SHANK2: variants seen among roughly 807,000 people sequenced by gnomAD.
The protein encoded by SHANK2 is SH3 and multiple ankyrin repeat domains 2, also known as SH3 and multiple ankyrin repeat domains protein 2.
SHANK2 carries 43 observed loss-of-function variants against 133.7 expected under a neutral mutation model. That is an observed-to-expected ratio of 0.32 (90% CI 0.25 to 0.41). The LOEUF (loss-of-function observed/expected upper bound fraction) is 0.41. Ranked by LOEUF, SHANK2 falls within the 10% of genes least tolerant of loss-of-function variation. The probability of loss-of-function intolerance (pLI) is 1.00; values close to 1 mark genes in which losing one functional copy is unlikely to be tolerated. For missense variants in SHANK2, 1,994 were observed against 2,235.8 expected (o/e 0.89, Z 2.18); for synonymous variants, 1,017 against 952.8 (o/e 1.07, Z -1.24).
chr11:70,881,736 A>AAT (rs3064224), intron 11 of SHANK2, among the ~76,000 whole-genome samples: 144,990 of 147,610 alleles, frequency 0.98, 71,217 homozygotes, highest in South Asian at 1. Flanking sequence ...CTTTAATTTT[A>AAT]TTTTTTTTTA....
rs531001876 is a variant in SHANK2 at position 71,162,719 on chromosome 11, G to C, written c.-12-15381C>G. On this transcript the variant is annotated intron_variant, in intron 2 of 25. Coordinates refer to ENST00000601538, the MANE Select transcript of SHANK2 (RefSeq NM_012309.5). ...CTATCTATAGCCCAACTTCAAAACAGTGATTACTGCTTCAAAACAGGGAAA... is the reference window on the plus strand; with the variant it reads ...CTATCTATAGCCCAACTTCAAAACACTGATTACTGCTTCAAAACAGGGAAA... Among the ~76,000 whole-genome samples the C allele has an allele frequency of 2.0e-5, 3 of 152,260 alleles. No individual in the cohort carries two copies. The South Asian group carries it at 6.2e-4, about 32-fold the overall frequency.
At chr11:70,853,297 G>A (rs1949117931) in intron 11 of SHANK2, among the ~76,000 whole-genome samples, 2 of 152,206 alleles carry the variant, frequency 1.3e-5, no homozygotes, top group African/African-American at 4.8e-5. Context: ...CGCCTCCCAC[G>A]GGCCCTGGAG....
At chr11:71,137,396 T>C (rs1407354374) in intron 3 of SHANK2, among the ~76,000 whole-genome samples, 4 of 150,582 alleles carry the variant, frequency 2.7e-5, no homozygotes, top group African/African-American at 4.9e-5. Context: ...GGTCATAGCA[T>C]TGGTTTTGCA....
At chr11:71,065,933 GGGGGC>G (rs1951050229) in intron 9 of SHANK2, among the ~76,000 whole-genome samples, 2 of 104,674 alleles carry the variant, frequency 1.9e-5, no homozygotes, top group Non-Finnish European at 4.1e-5. Context: ...GGAAGTTGGT[GGGGGC>G]GGGGTACAGA....
intron 15 of SHANK2, chr11:70,668,615 A>G (rs1219193624): frequency 6.6e-6 from 1 of 152,378 alleles, no homozygotes; most frequent in African/African-American, 2.4e-5. Context: ...GAAGATAAAC[A>G]TCAATCCACA....
intron 15 of SHANK2, among the ~76,000 whole-genome samples, chr11:70,684,109 A>C (rs1272203679): frequency 6.6e-6 from 1 of 152,098 alleles, no homozygotes; most frequent in African/African-American, 2.4e-5. Context: ...TGAATAAATG[A>C]ATGAAAAGAG....
At chr11:70,528,584 G>C (rs1554972578) in intron 17 of SHANK2, among the ~76,000 whole-genome samples, 1 of 152,100 alleles carries the variant, frequency 6.6e-6, no homozygotes, top group East Asian at 1.9e-4. Flanking sequence ...TGGGGAGGGG[G>C]GCTCCTGCAT....
At chr11:70,902,969 G>A (rs998775658) in intron 10 of SHANK2, among the ~76,000 whole-genome samples, 5 of 152,098 alleles carry the variant, frequency 3.3e-5, no homozygotes, top group East Asian at 1.9e-4. Context: ...GAGACAGCAC[G>A]GCCCCCCTCC....
chr11:70,496,503 T>G (rs534951443), intron 21 of SHANK2, among the ~76,000 whole-genome samples: 1 of 152,286 alleles, frequency 6.6e-6, no homozygotes, highest in South Asian at 2.1e-4. Flanking sequence ...CATGTAACTG[T>G]GTGCCCAGGG....
intron 14 of SHANK2, among the ~76,000 whole-genome samples, chr11:70,783,234 C>T (rs1246258747): frequency 6.6e-6 from 1 of 152,112 alleles, no homozygotes; most frequent in African/African-American, 2.4e-5. Context: ...CCTGGACTGA[C>T]AATGAGGTCC....
At chr11:71,080,123 T>C (rs1422845734) in intron 8 of SHANK2, among the ~76,000 whole-genome samples, 4 of 152,102 alleles carry the variant, frequency 2.6e-5, no homozygotes, top group African/African-American at 9.7e-5. Flanking sequence ...GAGAGGGTGA[T>C]AGGAGGGTGG....
intron 17 of SHANK2, among the ~76,000 whole-genome samples, chr11:70,567,746 C>T (rs1591590559): frequency 6.6e-6 from 1 of 152,210 alleles, no homozygotes; most frequent in Admixed American, 6.5e-5. Context: ...GACCCAGACC[C>T]TGAGACACCT....
intron 17 of SHANK2, among the ~76,000 whole-genome samples, chr11:70,621,880 C>G: frequency 6.6e-6 from 1 of 152,196 alleles, no homozygotes; most frequent in East Asian, 1.9e-4. Flanking sequence ...CAGGTGTTGC[C>G]GACAGACATC....
At chr11:71,246,624 C>A (rs1357602870) in intron 1 of SHANK2, among the ~76,000 whole-genome samples, 1 of 152,118 alleles carries the variant, frequency 6.6e-6, no homozygotes, top group Non-Finnish European at 1.5e-5. Context: ...TAAAGGGTAG[C>A]CAAGTCTTTC....
At chr11:70,595,287 GTGCCAGTGCCACC>G (rs2060384481) in intron 17 of SHANK2, among the ~76,000 whole-genome samples, 1 of 152,232 alleles carries the variant, frequency 6.6e-6, no homozygotes, top group African/African-American at 2.4e-5. Context: ...GGAAGCCCCG[GTGCCAGTGCCACC>G]CTCCAAGCGC....
In SHANK2 at chr11:70,807,110, T is replaced by C; in HGVS notation, c.1555A>G (p.Lys519Glu). 1 of 717,652 alleles carries C rather than the reference T, an allele frequency of 1.4e-6. No individual in the cohort carries two copies. Among genetic ancestry groups the C allele is most frequent in the Non-Finnish European group, 2.6e-6 (1 of 384,898 alleles). The allele number at this position is 717,652 out of a possible 1,614,324, so 44.5% of individuals were successfully genotyped here. Residue 519 changes from lysine to glutamate, a missense_variant, in exon 13 of 26, where the codon AAG becomes GAG. Lys to Glu is a moderately conservative substitution (Grantham distance 56). Around this residue, in one of 5 missense-constraint regions of SHANK2, gnomAD observed 653 missense variants for 563.4 expected, o/e 1.16. Coordinates refer to ENST00000601538, the MANE Select transcript of SHANK2 (RefSeq NM_012309.5). The surrounding 1 kb of genome is among the most constrained non-coding windows in gnomAD (Gnocchi z 4.8). ...GGCACGGCACTGTAGAGCTTCCGCTTGGGCCCCGGGTACTCGAAGGCCGAG... is the reference window on the plus strand; with the variant it reads ...GGCACGGCACTGTAGAGCTTCCGCTCGGGCCCCGGGTACTCGAAGGCCGAG... ...SLSAFEYPGP[K>E]RKLYSAVPGR...
At chr11:71,193,565 G>A (rs563400104) in intron 2 of SHANK2, among the ~76,000 whole-genome samples, 126 of 152,282 alleles carry the variant, frequency 8.3e-4, no homozygotes, top group African/African-American at 3.0e-3. Context: ...AAAGGGTACT[G>A]GCGTGACTGT....
chr11:70,936,382 C>T (rs145518278), intron 10 of SHANK2, among the ~76,000 whole-genome samples: 2,743 of 152,072 alleles, frequency 0.018, 84 homozygotes, highest in African/African-American at 0.063. Flanking sequence ...CATGGTGGCA[C>T]GTGCCTGTAG....
At chr11:70,864,072 A>AAGG in intron 11 of SHANK2, 2 of 332,890 alleles carry the variant, frequency 6.0e-6, no homozygotes, top group Non-Finnish European at 1.2e-5. Context: ...AAGCACAAGA[A>AAGG]AGGGACCCTC....
Sources: gnomAD v4.1 joint callset for allele counts (sites outside exome capture counted in the v4.1 genomes callset) on GRCh38, gnomAD v4.1.1 for gene constraint, gnomAD v4.1.1 regional missense constraint, Gnocchi (gnomAD v3.1) non-coding constraint, MANE v1.5 for transcripts, NCBI Gene and HGNC (gene_info 2026-07-23, HGNC 2026-07-21) for gene names.